The following DENND1B variants were observed in gnomAD, a reference collection of about 807,000 sequenced individuals.
The protein encoded by DENND1B is DENN domain-containing protein 1B.
In DENND1B, 59 loss-of-function variants were observed where a neutral mutation model predicts 90.1. That is an observed-to-expected ratio of 0.65 (90% CI 0.53 to 0.81). The LOEUF (loss-of-function observed/expected upper bound fraction) is 0.81. DENND1B is among the 40% of genes least tolerant of loss of function. The pLI is 0.00. For synonymous variants in DENND1B, 337 were observed against 324.6 expected, an observed-to-expected ratio of 1.04 and a Z score of -0.41; for missense variants, 862 against 912.6, an observed-to-expected ratio of 0.94 and a Z score of 0.71.
intron 15 of DENND1B, among the ~76,000 whole-genome samples, chr1:197,571,230 A>G (rs1326976202): frequency 2.6e-5 from 4 of 152,170 alleles, no homozygotes; most frequent in African/African-American, 9.7e-5. Flanking sequence ...TACAAAATAC[A>G]GATCAGATCC....
At chr1:197,752,001 AAGG>A (rs1653619740) in intron 2 of DENND1B, among the ~76,000 whole-genome samples, 1 of 148,290 alleles carries the variant, frequency 6.7e-6, no homozygotes, top group Non-Finnish European at 1.5e-5. Context: ...GAAGAAGTAG[AAGG>A]AGGAGAAGAA....
At chr1:197,656,603 C>T (rs1653855090) in intron 6 of DENND1B, among the ~76,000 whole-genome samples, 1 of 151,788 alleles carries the variant, frequency 6.6e-6, no homozygotes, top group African/African-American at 2.4e-5. Flanking sequence ...AATTTGAGAC[C>T]AGCCTAAGCA....
At chr1:197,599,751 A>G (rs1676034821) in intron 13 of DENND1B, among the ~76,000 whole-genome samples, 1 of 151,854 alleles carries the variant, frequency 6.6e-6, no homozygotes, top group Admixed American at 6.6e-5. Context: ...AACCTTTAAC[A>G]TTTATTAAAT....
At chr1:197,660,822 A>T (rs1020309196) in intron 5 of DENND1B, among the ~76,000 whole-genome samples, 2 of 152,150 alleles carry the variant, frequency 1.3e-5, no homozygotes, top group African/African-American at 4.8e-5. Flanking sequence ...TCAGGCAAGG[A>T]CTCAAAACTT....
chr1:197,570,701 A>G (rs1673073962), intron 15 of DENND1B, among the ~76,000 whole-genome samples: 2 of 152,152 alleles, frequency 1.3e-5, no homozygotes, highest in Admixed American at 1.3e-4. Flanking sequence ...TGAAACAGAA[A>G]TCTCCCTATG....
chr1:197,730,998 G>C (rs1662096548), intron 2 of DENND1B, among the ~76,000 whole-genome samples: 1 of 152,032 alleles, frequency 6.6e-6, no homozygotes, highest in Non-Finnish European at 1.5e-5. Flanking sequence ...CCATAATGTT[G>C]ATATTACCAT....
chr1:197,605,687 T>C (rs916784326), intron 13 of DENND1B: 1 of 151,102 alleles, frequency 6.6e-6, no homozygotes, highest in Non-Finnish European at 1.5e-5. Context: ...AATTTTATAA[T>C]GAGGTAATCT....
chr1:197,540,200 G>A (rs1250135723), intron 19 of DENND1B, 129 bp from the exon 20 acceptor site: 8 of 426,876 alleles, frequency 1.9e-5, no homozygotes, highest in African/African-American at 4.1e-5. Context: ...TAAGTGTAAA[G>A]AATCTATTTA....
chr1:197,747,437 C>G, intron 2 of DENND1B: 1 of 380,874 alleles, frequency 2.6e-6, no homozygotes, highest in Non-Finnish European at 5.0e-6. Context: ...CAGGAGGTAG[C>G]AGCCCACTCC....
intron 15 of DENND1B, among the ~76,000 whole-genome samples, chr1:197,564,578 AC>A (rs1249362638): frequency 6.6e-6 from 1 of 151,858 alleles, no homozygotes; most frequent in Non-Finnish European, 1.5e-5. Flanking sequence ...GAAACAAAAA[AC>A]TTTGTGTAAT....
At chr1:197,542,740 A>G (rs1670426326) in intron 18 of DENND1B, among the ~76,000 whole-genome samples, 1 of 152,160 alleles carries the variant, frequency 6.6e-6, no homozygotes. Context: ...GTCTGGAAAG[A>G]TCAGTTTTAG....
At chr1:197,705,727 A>G (rs1034331152) in intron 3 of DENND1B, among the ~76,000 whole-genome samples, 1 of 151,452 alleles carries the variant, frequency 6.6e-6, no homozygotes, top group African/African-American at 2.4e-5. Flanking sequence ...TGAGAAGACT[A>G]AAATATATAT....
chr1:197,735,676 A>G (rs1278402338), intron 2 of DENND1B: 1 of 1,613,986 alleles, frequency 6.2e-7, no homozygotes, highest in South Asian at 1.1e-5. Context: ...TACAAGGTCT[A>G]CCCCGGACAC....
rs544141148 is a variant in DENND1B, at chr1:197,619,847, T to C, written c.673-2088A>G. On this transcript the variant is annotated intron_variant, in intron 10 of 22. Coordinates refer to ENST00000620048, the MANE Select transcript of DENND1B (RefSeq NM_001195215.2). ...ATGCAGAGTCACAAAATTTCTGCAA[T>C]GGCCAGCATCTGGTAGAGGGTTATG... 1.3e-4 allele frequency among the ~76,000 whole-genome samples: 20 copies of C among 151,342 alleles called. 1 individual carries two copies. In the South Asian group the frequency reaches 4.1e-3, roughly 31 times the overall value.
At chr1:197,605,024 TTTTA>T (rs796280886) in intron 13 of DENND1B, among the ~76,000 whole-genome samples, 159 of 151,220 alleles carry the variant, frequency 1.1e-3, no homozygotes, top group African/African-American at 3.5e-3. Context: ...TCAGAACTAT[TTTTA>T]TTTGTCTATT....
chr1:197,616,269 G>C (rs896398415), intron 11 of DENND1B, among the ~76,000 whole-genome samples: 7 of 150,732 alleles, frequency 4.6e-5, no homozygotes, highest in African/African-American at 1.7e-4. Context: ...TATATACAAA[G>C]ATCTACTGCA....
At chr1:197,661,609 T>C (rs1572231872) in intron 5 of DENND1B, among the ~76,000 whole-genome samples, 1 of 152,258 alleles carries the variant, frequency 6.6e-6, no homozygotes, top group East Asian at 1.9e-4. Flanking sequence ...GCTTACATTG[T>C]CATTTTCACC....
intron 7 of DENND1B, among the ~76,000 whole-genome samples, chr1:197,649,850 A>G (rs558935078): frequency 1.3e-5 from 2 of 152,340 alleles, no homozygotes; most frequent in African/African-American, 4.8e-5. Flanking sequence ...AAATGCAATG[A>G]AAACAAAGAT....
intron 15 of DENND1B, among the ~76,000 whole-genome samples, chr1:197,575,938 G>A (rs1673640071): frequency 6.6e-6 from 1 of 152,176 alleles, no homozygotes; most frequent in South Asian, 2.1e-4. Context: ...TTGGCAGGTA[G>A]GGGCCTGGGG....
Sources: allele counts gnomAD v4.1 joint callset (sites outside exome capture counted in the v4.1 genomes callset), GRCh38; gene constraint gnomAD v4.1.1; transcripts MANE v1.5; gene names NCBI Gene and HGNC (gene_info 2026-07-23, HGNC 2026-07-21).